CACNA2D3: variants seen among roughly 807,000 people sequenced by gnomAD.
CACNA2D3 encodes the protein calcium voltage-gated channel auxiliary subunit alpha2delta 3.
A neutral mutation model predicts 160.6 loss-of-function variants in CACNA2D3; 60 were observed. That is an observed-to-expected ratio of 0.37 (90% CI 0.30 to 0.46). The LOEUF (loss-of-function observed/expected upper bound fraction) is 0.46, where lower values mean the gene tolerates loss of function less well. Among genes scored for constraint, CACNA2D3 ranks in the 20% least tolerant of loss-of-function variants. The pLI, the probability that CACNA2D3 is intolerant of heterozygous loss-of-function variation, is 1.00. For missense variants in CACNA2D3, 1,205 were observed against 1,365.0 expected (o/e 0.88, Z 1.85); for synonymous variants, 558 against 492.9 (o/e 1.13, Z -1.75).
chr3:54,375,820 G>A (rs1487621253), intron 3 of CACNA2D3, among the ~76,000 whole-genome samples: 1 of 152,140 alleles, frequency 6.6e-6, no homozygotes, highest in Non-Finnish European at 1.5e-5. Context: ...GATGCTGAGG[G>A]TTTCCAGAGA....
At chr3:54,529,844 T>C (rs1312978332) in intron 5 of CACNA2D3, among the ~76,000 whole-genome samples, 1 of 152,212 alleles carries the variant, frequency 6.6e-6, no homozygotes, top group Non-Finnish European at 1.5e-5. Context: ...TTGGATATTT[T>C]AGATTTCACA....
At chr3:55,043,110 C>G (rs1245222369) in intron 35 of CACNA2D3, among the ~76,000 whole-genome samples, 1 of 152,080 alleles carries the variant, frequency 6.6e-6, no homozygotes, top group Non-Finnish European at 1.5e-5. Context: ...GTCATTTCAC[C>G]TGAATGAACC....
At chr3:54,618,429 T>C (rs1575385204) in intron 9 of CACNA2D3, among the ~76,000 whole-genome samples, 1 of 144,346 alleles carries the variant, frequency 6.9e-6, no homozygotes, top group Admixed American at 6.9e-5. Context: ...TTACAGGGTA[T>C]TTGTTTATTC....
In CACNA2D3 at chr3:55,073,484, C is replaced by T; in HGVS notation, c.3027C>T (p.Phe1009=). The change falls in exon 36 of 38, where the codon TTC becomes TTT. Residue 1009 remains phenylalanine, a synonymous_variant. Transcript: ENST00000474759. The part of the protein sequence containing the change: ...VIQQIPSSNL[F]MVVVDSSCLC... ...AGCAAATCCCAAGCAGCAACCTGTT[C>T]ATGGTGGTGGTGGACAGCAGCTGCC... The T allele has an allele frequency of 6.2e-7, 1 of 1,613,960 alleles. No homozygotes were observed. Among genetic ancestry groups the T allele is most frequent in the Non-Finnish European group, 8.5e-7 (1 of 1,179,860 alleles).
At chr3:54,660,809 C>T (rs1045542838) in intron 11 of CACNA2D3, among the ~76,000 whole-genome samples, 2 of 151,382 alleles carry the variant, frequency 1.3e-5, no homozygotes, top group Admixed American at 1.3e-4. Context: ...CTTTGTGCTC[C>T]CTCCCTCCCA....
chr3:54,899,486 T>C (rs1700276965), intron 26 of CACNA2D3, among the ~76,000 whole-genome samples: 1 of 152,152 alleles, frequency 6.6e-6, no homozygotes, highest in Non-Finnish European at 1.5e-5. Context: ...AAACCACAGA[T>C]TACCAAAAAA....
At chr3:54,331,927 C>T (rs1030332944) in intron 3 of CACNA2D3, among the ~76,000 whole-genome samples, 3 of 152,168 alleles carry the variant, frequency 2.0e-5, no homozygotes, top group Non-Finnish European at 4.4e-5. Flanking sequence ...GAGCTATCCC[C>T]TCCCTCCCTC....
At chr3:54,256,060 G>A (rs1413283917) in intron 2 of CACNA2D3, among the ~76,000 whole-genome samples, 1 of 152,172 alleles carries the variant, frequency 6.6e-6, no homozygotes, top group Non-Finnish European at 1.5e-5. Context: ...AATAGGCTTT[G>A]TGAGAAATGA....
intron 34 of CACNA2D3, among the ~76,000 whole-genome samples, chr3:55,012,327 G>A (rs1377437185): frequency 6.6e-6 from 1 of 152,086 alleles, no homozygotes; most frequent in Non-Finnish European, 1.5e-5. Flanking sequence ...CGAAATGTCT[G>A]GTTATTTCTT....
At chr3:54,527,808 C>T (rs1701748772) in intron 5 of CACNA2D3, among the ~76,000 whole-genome samples, 1 of 152,100 alleles carries the variant, frequency 6.6e-6, no homozygotes, top group African/African-American at 2.4e-5. Context: ...TGTGTCTTGC[C>T]AAACTTGGAT....
At chr3:54,307,164 C>T (rs1350377020) in intron 2 of CACNA2D3, among the ~76,000 whole-genome samples, 1 of 152,098 alleles carries the variant, frequency 6.6e-6, no homozygotes, top group Non-Finnish European at 1.5e-5. Flanking sequence ...TGTATTTGAA[C>T]ACCCTGATTT....
At chr3:54,887,831 C>T in intron 23 of CACNA2D3, 128 bp from the exon 24 acceptor site, 1 of 702,980 alleles carries the variant, frequency 1.4e-6, no homozygotes, top group Non-Finnish European at 2.5e-6. Flanking sequence ...CTAGTGGGAA[C>T]TTAACTCATA....
chr3:54,686,890 T>C (rs563122766), intron 11 of CACNA2D3, among the ~76,000 whole-genome samples: 2 of 152,244 alleles, frequency 1.3e-5, no homozygotes, highest in South Asian at 4.1e-4. Context: ...GGTGTAAATA[T>C]GGTTAAGGGT....
chr3:54,623,108 TA>T (rs1187660733), intron 9 of CACNA2D3, among the ~76,000 whole-genome samples: 1 of 152,184 alleles, frequency 6.6e-6, no homozygotes, highest in Non-Finnish European at 1.5e-5. Flanking sequence ...CCACATCAGC[TA>T]AAACTGGTTA....
At chr3:54,970,862 G>A (rs943636275) in intron 29 of CACNA2D3, among the ~76,000 whole-genome samples, 1 of 151,780 alleles carries the variant, frequency 6.6e-6, no homozygotes, top group Admixed American at 6.6e-5. Context: ...CAGTCAATAT[G>A]TAAACTAGAC....
In CACNA2D3 at chr3:55,002,254, C is replaced by G. The variant is rs574230431; in HGVS notation, c.2691-2509C>G. On this transcript the variant is annotated intron_variant, in intron 31 of 37. Coordinates refer to ENST00000474759, the MANE Select transcript of CACNA2D3 (RefSeq NM_018398.3). ...ATCCATGGCTATGAGACTCCAAGCA[C>G]ATGCACATTCCTCTCAACCCCATGC... Among the ~76,000 whole-genome samples the G allele has an allele frequency of 3.3e-4, 51 of 152,242 alleles. No homozygotes were observed. The South Asian group carries it at 9.7e-3, about 29-fold the overall frequency.
At chr3:54,953,896 G>A (rs3821659) in intron 27 of CACNA2D3, among the ~76,000 whole-genome samples, 61,452 of 151,998 alleles carry the variant, frequency 0.4, 13,944 homozygotes, top group East Asian at 0.74. Context: ...AGCCTCTTGA[G>A]GTCACCCCGT....
chr3:55,005,310 T>TA (rs965563595), intron 32 of CACNA2D3, among the ~76,000 whole-genome samples: 1 of 151,446 alleles, frequency 6.6e-6, no homozygotes, highest in Non-Finnish European at 1.5e-5. Flanking sequence ...AAATTAAAAT[T>TA]AAAAAAAGCC....
At chr3:54,604,634 G>A (rs1381776676) in intron 9 of CACNA2D3, among the ~76,000 whole-genome samples, 1 of 152,064 alleles carries the variant, frequency 6.6e-6, no homozygotes, top group Non-Finnish European at 1.5e-5. Context: ...CTTCAAGAGA[G>A]CCAGCCTCTG....
Sources: gnomAD v4.1 joint callset for allele counts (sites outside exome capture counted in the v4.1 genomes callset) on GRCh38, gnomAD v4.1.1 for gene constraint, MANE v1.5 for transcripts, NCBI Gene and HGNC (gene_info 2026-07-23, HGNC 2026-07-21) for gene names.